SEC24B: variants seen among roughly 807,000 people sequenced by gnomAD.
SEC24B encodes the protein protein transport protein Sec24B.
Under a neutral mutation model 142.8 loss-of-function variants are expected in SEC24B, and 45 were observed. The observed-to-expected ratio is 0.32, with a 90% confidence interval of 0.25 to 0.40. SEC24B has a LOEUF of 0.40. Among genes scored for constraint, SEC24B ranks in the 10% least tolerant of loss-of-function variants. The probability of loss-of-function intolerance (pLI) is 1.00; values close to 1 mark genes in which losing one functional copy is unlikely to be tolerated. For synonymous variants in SEC24B, 574 were observed against 568.2 expected (o/e 1.01, Z -0.15); for missense variants, 1,409 against 1,526.8 (o/e 0.92, Z 1.29).
chr4:109,511,915 G>C, intron 8 of SEC24B, 42 bp from the exon 9 acceptor site: 1 of 1,601,858 alleles, frequency 6.2e-7, no homozygotes, highest in Non-Finnish European at 8.5e-7. Context: ...TTTTTCCTTG[G>C]GGTGCCTTTT....
intron 20 of SEC24B, among the ~76,000 whole-genome samples, chr4:109,531,899 A>AC (rs1724968756): frequency 1.3e-5 from 2 of 152,066 alleles, no homozygotes. Context: ...TTGCTGTGTC[A>AC]CCCAGGCTGG....
intron 1 of SEC24B, 120 bp downstream of exon 1, chr4:109,434,122 G>A (rs1476039212): frequency 1.5e-6 from 1 of 657,724 alleles, no homozygotes; most frequent in African/African-American, 2.0e-5. Flanking sequence ...CCGGCCCGAG[G>A]GACGGGAGCG....
intron 18 of SEC24B, 110 bp from the exon 19 acceptor site, chr4:109,530,179 T>C: frequency 1.1e-6 from 1 of 930,880 alleles, no homozygotes; most frequent in Non-Finnish European, 1.5e-6. Context: ...TTTTCCATCC[T>C]AAAAACTTAG....
intron 1 of SEC24B, among the ~76,000 whole-genome samples, chr4:109,439,474 ATTTTTTTTTTTTTTTTTTTTTTTTTTT>A (rs70949077): frequency 5.5e-4 from 24 of 43,996 alleles, no homozygotes; most frequent in South Asian, 4.1e-3. Flanking sequence ...TCCTAAGCTG[ATTTTTTTTTTTTTTTTTTTTTTTTTTT>A]TTTTTTTTTT....
chr4:109,480,636 A>G (rs1395678083), intron 3 of SEC24B, among the ~76,000 whole-genome samples: 1 of 151,908 alleles, frequency 6.6e-6, no homozygotes, highest in Non-Finnish European at 1.5e-5. Flanking sequence ...GTGCGCCACC[A>G]CGCCCAGCTA....
chr4:109,506,249 T>C (rs1210081095), intron 6 of SEC24B, 79 bp from the exon 7 acceptor site: 3 of 1,013,602 alleles, frequency 3.0e-6, no homozygotes, highest in African/African-American at 3.4e-5. Context: ...TTTTTCTGTA[T>C]GTTGAGATAT....
chr4:109,477,899 TTGAC>T (rs1406003619), intron 3 of SEC24B, among the ~76,000 whole-genome samples: 2 of 152,220 alleles, frequency 1.3e-5, no homozygotes, highest in African/African-American at 4.8e-5. Context: ...ACATGTCACA[TTGAC>T]TGAAATCACA....
rs550282781 is a variant in SEC24B, at chr4:109,505,561, CAT to C, written c.1489-766_1489-765del. Among the ~76,000 whole-genome samples, 18 of 152,266 alleles carry C rather than the reference CAT, an allele frequency of 1.2e-4. No homozygotes were observed. In the South Asian group the frequency reaches 1.2e-3, roughly 11 times the overall value. On this transcript the variant is annotated intron_variant, in intron 6 of 23. Coordinates refer to ENST00000265175, the MANE Select transcript of SEC24B (RefSeq NM_006323.5). ...GACTCATTATTTGCTTCTACTTTAA[CAT>C]GTGTATTTTCCATCTTTACCTGTTG... is the stretch of plus-strand genomic sequence containing the variant.
chr4:109,441,098 T>G (rs754571722), intron 1 of SEC24B, among the ~76,000 whole-genome samples: 33 of 152,212 alleles, frequency 2.2e-4, no homozygotes, highest in Admixed American at 6.5e-5. Flanking sequence ...TAACAGGAAC[T>G]GAGGAAAAGC....
rs535885824 is a variant in SEC24B at position 109,475,761 on chromosome 4, A to G, written c.1060+2575A>G. On this transcript the variant is annotated intron_variant, in intron 3 of 23. Coordinates refer to ENST00000265175, the MANE Select transcript of SEC24B (RefSeq NM_006323.5). ...AATACCCCTTCTTTAACATTTGGGAAGTTTACATTTTTCATTTTTCTATTT... is the reference window on the plus strand; with the variant it reads ...AATACCCCTTCTTTAACATTTGGGAGGTTTACATTTTTCATTTTTCTATTT... Among the ~76,000 whole-genome samples, 7 of 152,204 alleles carry G rather than the reference A, an allele frequency of 4.6e-5. No individual in the cohort carries two copies. In the South Asian group the frequency reaches 1.5e-3, roughly 32 times the overall value.
At chr4:109,502,418 CAG>C (rs900491929) in intron 6 of SEC24B, among the ~76,000 whole-genome samples, 2 of 152,140 alleles carry the variant, frequency 1.3e-5, no homozygotes, top group East Asian at 1.9e-4. Flanking sequence ...AAAATGGAAA[CAG>C]AGAGACAAAT....
At chr4:109,480,988 A>G (rs1578855154) in intron 3 of SEC24B, among the ~76,000 whole-genome samples, 2 of 152,202 alleles carry the variant, frequency 1.3e-5, no homozygotes, top group Admixed American at 1.3e-4. Flanking sequence ...GACCAGTCTT[A>G]TTCACCTGTT....
intron 3 of SEC24B, among the ~76,000 whole-genome samples, chr4:109,476,021 C>G (rs1733096791): frequency 6.8e-6 from 1 of 146,220 alleles, no homozygotes; most frequent in South Asian, 2.1e-4. Flanking sequence ...CAGACTCACT[C>G]TGTCACCCAG....
chr4:109,465,226 C>T (rs1234339362), intron 2 of SEC24B, among the ~76,000 whole-genome samples: 1 of 152,148 alleles, frequency 6.6e-6, no homozygotes, highest in Non-Finnish European at 1.5e-5. Flanking sequence ...TTGGGTGAGT[C>T]AACTCAAAGT....
At chr4:109,528,834 A>C (rs1336318470) in intron 18 of SEC24B, among the ~76,000 whole-genome samples, 2 of 152,210 alleles carry the variant, frequency 1.3e-5, no homozygotes, top group Non-Finnish European at 2.9e-5. Flanking sequence ...TTATAATAGC[A>C]TTTACCGAAG....
At position 109,531,414 on chromosome 4, in the gene SEC24B, G is replaced by A; in HGVS notation, c.3282G>A (p.Arg1094=). Residue 1094 remains arginine, a synonymous_variant, in exon 20 of 24, where the codon CGG becomes CGA. Coordinates refer to ENST00000265175, the MANE Select transcript of SEC24B (RefSeq NM_006323.5). The part of the protein sequence containing the change: ...QKAFRTGTST[R]LDDRVYAMCQ... ...CATTTAGAACGGGTACAAGCACACG[G>A]CTGGATGATCGTGTATATGCCATGT... The A allele has an allele frequency of 6.2e-7, 1 of 1,613,326 alleles. No individual in the cohort carries two copies. Among genetic ancestry groups the A allele is most frequent in the Non-Finnish European group, 8.5e-7 (1 of 1,179,408 alleles).
In SEC24B at chr4:109,511,863, A is replaced by G. The variant is rs1363936271; in HGVS notation, c.1777-94A>G. The stretch of plus-strand genomic sequence containing the variant: ...ATATAAAACCACATAAAAACAATTA[A>G]GGTTTATGTTCTGTATTTGGAGCAG... On this transcript the variant is annotated intron_variant, in intron 8 of 23. Coordinates refer to ENST00000265175, the MANE Select transcript of SEC24B (RefSeq NM_006323.5). 6 of 1,230,056 alleles carry G rather than the reference A, an allele frequency of 4.9e-6. No homozygotes were observed. The East Asian group carries it at 1.4e-4, about 29-fold the overall frequency. 76.2% of individuals were successfully genotyped at this position (1,230,056 alleles called of 1,614,324 possible). A position where few individuals can be genotyped will look rare whatever the true frequency, so the allele number is the denominator to read the frequency against.
intron 14 of SEC24B, among the ~76,000 whole-genome samples, chr4:109,522,736 T>A (rs2075610730): frequency 1.3e-5 from 2 of 152,188 alleles, no homozygotes; most frequent in African/African-American, 4.8e-5. Context: ...ATAAGCATAA[T>A]TGGACATCAT....
intron 6 of SEC24B, 28 bp downstream of exon 6, chr4:109,494,884 G>A: frequency 1.2e-6 from 2 of 1,608,632 alleles, no homozygotes; most frequent in Non-Finnish European, 1.7e-6. Context: ...TACACACATT[G>A]TAACAGTTAT....
Sources: gnomAD v4.1 joint callset for allele counts (sites outside exome capture counted in the v4.1 genomes callset) on GRCh38, gnomAD v4.1.1 for gene constraint, MANE v1.5 for transcripts, NCBI Gene and HGNC (gene_info 2026-07-23, HGNC 2026-07-21) for gene names.